MARVELD2: variants seen among roughly 807,000 people sequenced by gnomAD.
MARVELD2 encodes the protein MARVEL domain containing 2, also known as MARVEL domain-containing protein 2.
Under a neutral mutation model 57.6 loss-of-function variants are expected in MARVELD2, and 49 were observed. The ratio of observed to expected loss-of-function variants is 0.85; its 90% confidence interval spans 0.68 to 1.08. The LOEUF is 1.08. MARVELD2 is among the 50% of genes least tolerant of loss of function. The probability of loss-of-function intolerance (pLI) is 0.00; values close to 1 mark genes in which losing one functional copy is unlikely to be tolerated. For synonymous variants in MARVELD2, 238 were observed against 258.8 expected (o/e 0.92, Z 0.77); for missense variants, 606 against 701.1 (o/e 0.86, Z 1.53).
chr5:69,416,890 A>G (rs983876455), intron 1 of MARVELD2, among the ~76,000 whole-genome samples: 11 of 152,158 alleles, frequency 7.2e-5, no homozygotes, highest in Non-Finnish European at 1.5e-4. Flanking sequence ...TGATACTGTT[A>G]AAACAAGTCA....
At chr5:69,429,707 C>T (rs542370777) in intron 3 of MARVELD2, among the ~76,000 whole-genome samples, 14 of 151,946 alleles carry the variant, frequency 9.2e-5, no homozygotes, top group African/African-American at 3.1e-4. Flanking sequence ...GGTCAGGCAC[C>T]GTGGCTCACA....
At chr5:69,418,495 G>A (rs938866253) in intron 1 of MARVELD2, among the ~76,000 whole-genome samples, 1 of 152,160 alleles carries the variant, frequency 6.6e-6, no homozygotes, top group Admixed American at 6.5e-5. Context: ...AATTGCCCTC[G>A]AAAGAGTAAT....
rs1767398366 is a variant in MARVELD2, at chr5:69,444,008, T to TAAAAAAAAAAAAA, written c.*2354_*2355insAAAAAAAAAAAAA. 1.7e-4 allele frequency: 1 copy of TAAAAAAAAAAAAA among 6,014 alleles called. No homozygotes were observed. Among genetic ancestry groups the TAAAAAAAAAAAAA allele is most frequent in the Non-Finnish European group, 5.4e-3 (1 of 186 alleles). 0.4% of individuals were successfully genotyped at this position (6,014 alleles called of 1,614,324 possible). On this transcript the variant is annotated 3_prime_UTR_variant, in exon 7 of 7. Transcript: ENST00000325631. ...TTCACTTAAGAAGAGCACCAGTGCTTTAAAAAAAAAAAAAGGTAAAATATT... is the reference window on the plus strand; with the variant it reads ...TTCACTTAAGAAGAGCACCAGTGCTTAAAAAAAAAAAAATAAAAAAAAAAAAAGGTAAAATATT...
At position 69,419,641 on chromosome 5, in the gene MARVELD2, T is replaced by C; in HGVS notation, c.256T>C (p.Trp86Arg). The C allele has an allele frequency of 1.2e-6, 2 of 1,614,204 alleles. No homozygotes were observed. The highest frequency in any genetic ancestry group is 1.7e-6 in the Non-Finnish European group (2 of 1,180,040). Reference sequence around the variant, plus strand: ...AGTAAGGCGCTTTGTCCCTGACTCCTGGAAGAACTTTTTCAGAGGGAAGAA... The same window carrying C: ...AGTAAGGCGCTTTGTCCCTGACTCCCGGAAGAACTTTTTCAGAGGGAAGAA... ...KPVRRFVPDS[W>R]KNFFRGKKKD... Residue 86 changes from tryptophan to arginine, a missense_variant, in exon 2 of 7, where the codon TGG becomes CGG. Transcript: ENST00000325631.
chr5:69,419,799 A>G lies in MARVELD2; in HGVS notation c.414A>G (p.Gly138=). The change falls in exon 2 of 7, where the codon GGA becomes GGG. Residue 138 remains glycine, a synonymous_variant. Transcript: ENST00000325631. ...SPLNSCKDPY[G]GSEGTFSSRK... ...TCAACTCCTGCAAAGATCCCTACGG[A>G]GGGTCAGAAGGAACCTTTAGTTCCC... 6.2e-7 allele frequency: 1 copy of G among 1,614,186 alleles called. No individual in the cohort carries two copies. Among genetic ancestry groups the G allele is most frequent in the Non-Finnish European group, 8.5e-7 (1 of 1,180,052 alleles).
At position 69,444,186 on chromosome 5, in the gene MARVELD2, A is replaced by T. The variant is rs1767405592; in HGVS notation, c.*2532A>T. On this transcript the variant is annotated 3_prime_UTR_variant, in exon 7 of 7. Coordinates refer to ENST00000325631, the MANE Select transcript of MARVELD2 (RefSeq NM_001038603.3). ...TTTGTAAATGTTGTGGTCAATCCCT[A>T]GGTGCATTAAAGTTTCAGTCACCTG... 6.6e-6 allele frequency: 1 copy of T among 152,048 alleles called. No individual in the cohort carries two copies. The highest frequency in any genetic ancestry group is 2.4e-5 in the African/African-American group (1 of 41,406). The allele number at this position is 152,048 out of a possible 1,614,324, so 9.4% of individuals were successfully genotyped here.
intron 3 of MARVELD2, among the ~76,000 whole-genome samples, chr5:69,429,087 C>T (rs1284768274): frequency 6.6e-6 from 1 of 152,036 alleles, no homozygotes; most frequent in Non-Finnish European, 1.5e-5. Flanking sequence ...GTACTCTGCT[C>T]GCCACTCATG....
intron 1 of MARVELD2, among the ~76,000 whole-genome samples, chr5:69,416,462 C>T (rs1224487998): frequency 6.6e-6 from 1 of 152,186 alleles, no homozygotes; most frequent in Non-Finnish European, 1.5e-5. Flanking sequence ...TGCTTGCCCT[C>T]TTAACGTCTC....
In MARVELD2 at chr5:69,441,562, T is replaced by C; in HGVS notation, c.1585T>C (p.Cys529Arg). The C allele has an allele frequency of 6.2e-7, 1 of 1,607,262 alleles. No individual in the cohort carries two copies. The highest frequency in any genetic ancestry group is 8.5e-7 in the Non-Finnish European group (1 of 1,174,262). ...TACATTTCTGGAAAAAAAAGAACGC[T>C]GTGATTACCTAAAGAATAAACTTTC... ...DPTFLEKKER[C>R]DYLKNKLSHI... Residue 529 changes from cysteine (C) to arginine (R), a missense_variant, in exon 7 of 7, where the codon TGT becomes CGT. Transcript: ENST00000325631.
chr5:69,430,175 C>G (rs765664442), intron 3 of MARVELD2, among the ~76,000 whole-genome samples: 2 of 151,990 alleles, frequency 1.3e-5, no homozygotes, highest in Non-Finnish European at 2.9e-5. Context: ...TGAGACCAGA[C>G]TAGGAAATAT....
intron 5 of MARVELD2, among the ~76,000 whole-genome samples, chr5:69,435,292 G>T (rs1317347306): frequency 6.6e-6 from 1 of 151,912 alleles, no homozygotes; most frequent in African/African-American, 2.4e-5. Context: ...GGTATTACAG[G>T]CATGAGCCAC....
At chr5:69,440,339 A>C in intron 5 of MARVELD2, 111 bp from the exon 6 acceptor site, 1 of 615,172 alleles carries the variant, frequency 1.6e-6, no homozygotes. Flanking sequence ...GAATGTTTTC[A>C]TTATTTTCTT....
At chr5:69,436,898 A>G (rs1767161486) in intron 5 of MARVELD2, among the ~76,000 whole-genome samples, 1 of 151,804 alleles carries the variant, frequency 6.6e-6, no homozygotes, top group Non-Finnish European at 1.5e-5. Flanking sequence ...TGAGGCGGGC[A>G]GATCACCTGA....
In MARVELD2 at chr5:69,432,935, A is replaced by G; in HGVS notation, c.1345A>G (p.Ile449Val). Residue 449 changes from isoleucine to valine, a missense_variant, in exon 5 of 7, where the codon ATT becomes GTT. By Grantham distance (29) the Ile-to-Val change is conservative. Transcript: ENST00000325631. The stretch of plus-strand genomic sequence containing the variant: ...TTTTTCCCCTAGAAAATACCCTGTG[A>G]TTCAGACAGATGATGAGCGAGAACG... The part of the protein sequence containing the change: ...MPDYVAKYPV[I>V]QTDDERERYK... The G allele has an allele frequency of 6.2e-7, 1 of 1,614,234 alleles. No homozygotes were observed. The highest frequency in any genetic ancestry group is 8.5e-7 in the Non-Finnish European group (1 of 1,180,042).
chr5:69,431,860 A>G (rs755579282), intron 3 of MARVELD2, among the ~76,000 whole-genome samples: 1 of 107,586 alleles, frequency 9.3e-6, no homozygotes, highest in South Asian at 2.8e-4. Flanking sequence ...TTTTTGAGCC[A>G]GAGTCTCACT....
At chr5:69,424,050 T>G (rs549479687) in intron 2 of MARVELD2, among the ~76,000 whole-genome samples, 38 of 152,320 alleles carry the variant, frequency 2.5e-4, no homozygotes, top group Non-Finnish European at 4.0e-4. Flanking sequence ...TTATTAAATC[T>G]TAATATTTAA....
intron 3 of MARVELD2, among the ~76,000 whole-genome samples, chr5:69,428,950 A>G (rs1766876823): frequency 6.6e-6 from 1 of 152,236 alleles, no homozygotes; most frequent in African/African-American, 2.4e-5. Flanking sequence ...CGTTTTCAAG[A>G]CTAAGTATAT....
Position 69,443,563 on chromosome 5 carries a change from G to C in MARVELD2, c.*1909G>C, listed in dbSNP as rs964897886. 3.3e-5 allele frequency: 5 copies of C among 152,020 alleles called. No homozygotes were observed. The highest frequency in any genetic ancestry group is 1.2e-4 in the African/African-American group (5 of 41,404). The allele number at this position is 152,020 out of a possible 1,614,324, so 9.4% of individuals were successfully genotyped here. ...CTTTATTCATAAATGTTTTATTTCT[G>C]TTAGTATGAACAATAGACTGCCTTA... On this transcript the variant is annotated 3_prime_UTR_variant, in exon 7 of 7. Transcript: ENST00000325631.
intron 1 of MARVELD2, 76 bp from the exon 2 acceptor site, chr5:69,419,295 T>C: frequency 7.0e-7 from 1 of 1,425,276 alleles, no homozygotes; most frequent in Non-Finnish European, 9.8e-7. Context: ...TACTTTTTGC[T>C]ACTACATGAA....
Sources: allele counts gnomAD v4.1 joint callset (sites outside exome capture counted in the v4.1 genomes callset), GRCh38; gene constraint gnomAD v4.1.1; transcripts MANE v1.5; gene names NCBI Gene and HGNC (gene_info 2026-07-23, HGNC 2026-07-21).